Variants in USP20 observed in about 807,000 individuals in gnomAD.
The protein encoded by USP20 is ubiquitin carboxyl-terminal hydrolase 20.
Under a neutral mutation model 124.2 loss-of-function variants are expected in USP20, and 80 were observed. The observed-to-expected ratio is 0.64, with a 90% CI of 0.54 to 0.78. USP20 has a LOEUF of 0.78. Among genes scored for constraint, USP20 ranks in the 30% least tolerant of loss-of-function variants. The probability of loss-of-function intolerance (pLI) is 0.00; values close to 1 mark genes in which losing one functional copy is unlikely to be tolerated. For synonymous variants in USP20, 481 were observed against 512.3 expected (o/e 0.94, Z 0.83); for missense variants, 1,043 against 1,244.4 (o/e 0.84, Z 2.44).
chr9:129,861,471 A>G, intron 7 of USP20, 72 bp from the exon 8 acceptor site: 1 of 1,445,354 alleles, frequency 6.9e-7, no homozygotes, highest in East Asian at 2.3e-5. Context: ...CTTTGTGCCA[A>G]ATGTGACTTG....
intron 1 of USP20, among the ~76,000 whole-genome samples, chr9:129,841,006 G>C (rs2032176214): frequency 6.6e-6 from 1 of 152,090 alleles, no homozygotes; most frequent in African/African-American, 2.4e-5. Context: ...GCTGACCTCT[G>C]GTGATCCGCC....
chr9:129,852,433 TG>T, intron 2 of USP20, 106 bp from the exon 3 acceptor site: 1 of 864,552 alleles, frequency 1.2e-6, no homozygotes, highest in Non-Finnish European at 1.8e-6. Context: ...AGCTGGTTTG[TG>T]GCAGACCAGG....
intron 1 of USP20, among the ~76,000 whole-genome samples, chr9:129,847,298 A>G (rs1297611024): frequency 7.5e-6 from 1 of 133,392 alleles, no homozygotes; most frequent in Non-Finnish European, 1.6e-5. Context: ...AACAGCCAAC[A>G]CTTTTTTTTT....
chr9:129,844,513 C>G (rs1056135135), intron 1 of USP20, among the ~76,000 whole-genome samples: 1 of 150,174 alleles, frequency 6.7e-6, no homozygotes, highest in African/African-American at 2.5e-5. Context: ...GTAATCCCAG[C>G]TACTCGGGAG....
chr9:129,874,807 C>A lies in USP20; in HGVS notation c.1922-22C>A, dbSNP rs927658065. 2.5e-6 allele frequency: 4 copies of A among 1,614,014 alleles called. 1 individual carries two copies. In the South Asian group the frequency reaches 4.4e-5, roughly 18 times the overall value. On this transcript the variant is annotated intron_variant, in intron 18 of 25. Coordinates refer to ENST00000372429, the MANE Select transcript of USP20 (RefSeq NM_001110303.4). ...TCCCCATCCGCTAGGATCCCTGTGA[C>A]CCGTCTGCTCTGCCGCCGCAGGTGG...
intron 10 of USP20, among the ~76,000 whole-genome samples, chr9:129,866,317 C>CT (rs1446274943): frequency 6.6e-6 from 1 of 152,222 alleles, no homozygotes; most frequent in Admixed American, 6.5e-5. Context: ...GGACACCTCT[C>CT]TTTTTGGGGA....
At position 129,874,673 on chromosome 9, in the gene USP20, G is replaced by A. The variant is rs142714756; in HGVS notation, c.1838G>A (p.Arg613His). The A allele has an allele frequency of 1.3e-4, 214 of 1,613,836 alleles. No individual in the cohort carries two copies. Among genetic ancestry groups the A allele is most frequent in the Non-Finnish European group, 1.7e-4 (206 of 1,180,008 alleles). Residue 613 changes from arginine to histidine, a missense_variant, in exon 18 of 26, where the codon CGC (arginine) becomes CAC (histidine). Physicochemically the swap from Arg to His is conservative, Grantham distance 29. Coordinates refer to ENST00000372429, the MANE Select transcript of USP20 (RefSeq NM_001110303.4). ...TTCCCCCTCGAGGGGCTCGACCTGC[G>A]CCCCTTCCTTGCCAAGGAGTGCACA... ...VSFPLEGLDL[R>H]PFLAKECTSQ...
chr9:129,875,744 C>A, intron 21 of USP20, 103 bp downstream of exon 21: 2 of 1,145,982 alleles, frequency 1.7e-6, no homozygotes, highest in Non-Finnish European at 2.5e-6. Flanking sequence ...CCCCACACCA[C>A]ACTCTGGCCT....
At chr9:129,870,036 AT>A (rs1282980261) in intron 14 of USP20, 192 bp downstream of exon 14, 1 of 678,400 alleles carries the variant, frequency 1.5e-6, no homozygotes, top group African/African-American at 1.8e-5. Context: ...AGTGGCCAGG[AT>A]TGGATAGTCC....
chr9:129,877,902 C>T (rs923357090), intron 22 of USP20, among the ~76,000 whole-genome samples: 13 of 152,128 alleles, frequency 8.5e-5, no homozygotes, highest in Non-Finnish European at 1.8e-4. Flanking sequence ...GGCGAAACCC[C>T]GTCTCTACTA....
At chr9:129,855,037 CAA>C (rs1030370614) in intron 3 of USP20, among the ~76,000 whole-genome samples, 6 of 152,138 alleles carry the variant, frequency 3.9e-5, no homozygotes, top group African/African-American at 1.4e-4. Flanking sequence ...TGCTCTGTGA[CAA>C]GGGTGTGACC....
At chr9:129,846,241 A>ATTTTTTTTT (rs1226898360) in intron 1 of USP20, among the ~76,000 whole-genome samples, 5 of 26,498 alleles carry the variant, frequency 1.9e-4, no homozygotes, top group African/African-American at 2.9e-4. Flanking sequence ...ATATATATAT[A>ATTTTTTTTT]TATATATTTT....
intron 19 of USP20, 86 bp from the exon 20 acceptor site, chr9:129,875,224 C>T: frequency 7.1e-7 from 1 of 1,414,850 alleles, no homozygotes; most frequent in Non-Finnish European, 9.5e-7. Flanking sequence ...GGCCGGTAGC[C>T]CGAGGTGCAC....
chr9:129,879,789 TGA>T lies in USP20; in HGVS notation c.2584+150_2584+151del, dbSNP rs2034564422. The T allele has an allele frequency of 2.1e-6, 2 of 962,054 alleles. No individual in the cohort carries two copies. Among genetic ancestry groups the T allele is most frequent in the Non-Finnish European group, 3.1e-6 (2 of 640,002 alleles). The allele number at this position is 962,054 out of a possible 1,614,324, so 59.6% of individuals were successfully genotyped here. ...CCACCTGAGTCCAGACCCAGGCGGCTGAGAGATGGCCCAAGGGGCTTGGTCTC... is the reference window on the plus strand; with the variant it reads ...CCACCTGAGTCCAGACCCAGGCGGCTGAGATGGCCCAAGGGGCTTGGTCTC... On this transcript the variant is annotated intron_variant, in intron 24 of 25. Coordinates refer to ENST00000372429, the MANE Select transcript of USP20 (RefSeq NM_001110303.4). The surrounding 1 kb of genome is among the most constrained non-coding windows in gnomAD (Gnocchi z 4.2).
At chr9:129,861,078 G>T (rs2033522882) in intron 7 of USP20, 45 bp downstream of exon 7, 2 of 1,576,304 alleles carry the variant, frequency 1.3e-6, no homozygotes, top group Admixed American at 1.7e-5. Flanking sequence ...TGGGCTGGGG[G>T]CCCTCATCTG....
intron 1 of USP20, among the ~76,000 whole-genome samples, chr9:129,846,243 A>AT (rs1270846866): frequency 0.11 from 4,018 of 35,066 alleles, 238 homozygotes; most frequent in Non-Finnish European, 0.17. Flanking sequence ...ATATATATAT[A>AT]TATATTTTTT....
At chr9:129,861,408 G>A (rs2033541199) in intron 7 of USP20, 135 bp from the exon 8 acceptor site, 1 of 765,824 alleles carries the variant, frequency 1.3e-6, no homozygotes, top group Admixed American at 2.1e-5. Context: ...TTCCTGGGGT[G>A]GAACGCTTCC....
chr9:129,868,920 C>A lies in USP20; in HGVS notation c.1194C>A (p.His398Gln). ...SSSRPCSPVH[H>Q]HEGHAKLSSS... ...CTCGCCCCTGCAGCCCCGTCCACCA[C>A]CACGAGGGCCATGCCAAGCTGTCTA... The change falls in exon 12 of 26, where the codon CAC becomes CAA. Residue 398 changes from histidine (H) to glutamine (Q), a missense_variant. Coordinates refer to ENST00000372429, the MANE Select transcript of USP20 (RefSeq NM_001110303.4). 6.2e-7 allele frequency: 1 copy of A among 1,612,344 alleles called. No homozygotes were observed. The highest frequency in any genetic ancestry group is 1.1e-5 in the South Asian group (1 of 90,852).
rs2033483010 is a variant in USP20, at chr9:129,860,447, A to G, written c.331-490A>G. On this transcript the variant is annotated intron_variant, in intron 6 of 25. Transcript: ENST00000372429. ...TTTTCTCCAAATTTATTATAAATAA[A>G]ATATTTTTTTTATTGCCAATAAAAA... 8.9e-5 allele frequency among the ~76,000 whole-genome samples: 3 copies of G among 33,836 alleles called. No homozygotes were observed. In the Admixed American group the frequency reaches 1.1e-3, roughly 13 times the overall value. 22.2% of individuals were successfully genotyped at this position (33,836 alleles called of 152,430 possible). A position where few individuals can be genotyped will look rare whatever the true frequency, so the allele number is the denominator to read the frequency against.
Sources: allele counts gnomAD v4.1 joint callset (sites outside exome capture counted in the v4.1 genomes callset), GRCh38; gene constraint gnomAD v4.1.1; non-coding constraint Gnocchi (gnomAD v3.1); transcripts MANE v1.5; gene names NCBI Gene and HGNC (gene_info 2026-07-23, HGNC 2026-07-21).